The following PDCD6IP variants were observed in gnomAD, a reference collection of about 807,000 sequenced individuals.
The protein encoded by PDCD6IP is programmed cell death 6 interacting protein.
In PDCD6IP, 43 loss-of-function variants were observed where a neutral mutation model predicts 103.7. The observed-to-expected ratio is 0.41, with a 90% confidence interval of 0.32 to 0.53. PDCD6IP has a LOEUF of 0.53. PDCD6IP is among the 20% of genes least tolerant of loss of function. PDCD6IP has a pLI of 0.16. For synonymous variants in PDCD6IP, 354 were observed against 378.7 expected (o/e 0.93, Z 0.76); for missense variants, 871 against 1,036.7 (o/e 0.84, Z 2.20).
At chr3:33,827,865 G>A (rs113981065) in intron 6 of PDCD6IP, 1 of 152,104 alleles carries the variant, frequency 6.6e-6, no homozygotes, top group African/African-American at 2.4e-5. Flanking sequence ...AGCTCATAAG[G>A]TATTTTCATA....
Position 33,866,477 on chromosome 3 carries a change from A to G in PDCD6IP, c.2559A>G (p.Ser853=). ...QAPYPGPQQP[S]YPFPQPPQQS... ...CATACCCGGGACCCCAGCAGCCTTC[A>G]TACCCCTTCCCTCAGCCCCCACAGC... The change falls in exon 18 of 18, where the codon TCA becomes TCG. Residue 853 remains serine (S), a synonymous_variant. Coordinates refer to ENST00000307296, the MANE Select transcript of PDCD6IP (RefSeq NM_013374.6). 6.2e-7 allele frequency: 1 copy of G among 1,612,214 alleles called. No individual in the cohort carries two copies.
At chr3:33,852,434 T>A (rs1697735290) in intron 12 of PDCD6IP, 54 bp from the exon 13 acceptor site, 26 of 1,383,296 alleles carry the variant, frequency 1.9e-5, no homozygotes, top group Non-Finnish European at 2.4e-5. Flanking sequence ...TTCTCGAAAT[T>A]GGCTTTTTTT....
intron 1 of PDCD6IP, among the ~76,000 whole-genome samples, chr3:33,801,536 T>C (rs1266645824): frequency 6.6e-6 from 1 of 152,208 alleles, no homozygotes; most frequent in African/African-American, 2.4e-5. Context: ...TGTGGTAGCA[T>C]GCACTCATAA....
intron 15 of PDCD6IP, among the ~76,000 whole-genome samples, chr3:33,863,020 T>C (rs1469402009): frequency 6.6e-6 from 1 of 152,232 alleles, no homozygotes; most frequent in Non-Finnish European, 1.5e-5. Context: ...AAAGAGGATT[T>C]AGATTCTAGT....
intron 10 of PDCD6IP, 120 bp downstream of exon 10, chr3:33,842,194 T>G (rs1294989994): frequency 1.6e-6 from 1 of 608,336 alleles, no homozygotes; most frequent in Non-Finnish European, 2.8e-6. Context: ...ATCACTTTGG[T>G]GAATTTACTG....
chr3:33,857,918 T>A lies in PDCD6IP; in HGVS notation c.2120+2658T>A, dbSNP rs1234182015. The stretch of plus-strand genomic sequence containing the variant: ...CAAATGTCACTGTCAGCACTATTTT[T>A]AAATACTATACTGCAGTACCAGCCA... On this transcript the variant is annotated intron_variant, in intron 15 of 17. Transcript: ENST00000307296. 1.3e-5 allele frequency among the ~76,000 whole-genome samples: 2 copies of A among 152,184 alleles called. 1 individual carries two copies. The highest frequency in any genetic ancestry group is 1.3e-4 in the Admixed American group (2 of 15,280).
In PDCD6IP at chr3:33,869,473, T is replaced by C. The variant is rs1295135970; in HGVS notation, c.*2948T>C. ...CTTGGAAGAGCAAAGAAGGAAAAATTATATTTTTAAAGAAAGAGAATATTC... is the reference window on the plus strand; with the variant it reads ...CTTGGAAGAGCAAAGAAGGAAAAATCATATTTTTAAAGAAAGAGAATATTC... On this transcript the variant is annotated 3_prime_UTR_variant, in exon 18 of 18. Coordinates refer to ENST00000307296, the MANE Select transcript of PDCD6IP (RefSeq NM_013374.6). The C allele has an allele frequency of 1.3e-5, 2 of 152,214 alleles. No homozygotes were observed. The highest frequency in any genetic ancestry group is 4.8e-5 in the African/African-American group (2 of 41,448). 9.4% of individuals were successfully genotyped at this position (152,214 alleles called of 1,614,324 possible).
intron 3 of PDCD6IP, among the ~76,000 whole-genome samples, chr3:33,814,287 C>T (rs1696784070): frequency 6.6e-6 from 1 of 151,822 alleles, no homozygotes; most frequent in South Asian, 2.1e-4. Flanking sequence ...ATTACAAGCA[C>T]CCGCCACCAC....
At chr3:33,812,277 A>G in intron 2 of PDCD6IP, 151 bp downstream of exon 2, 3 of 1,196,096 alleles carry the variant, frequency 2.5e-6, no homozygotes, top group Non-Finnish European at 3.1e-6. Flanking sequence ...CTTCTGAAGA[A>G]AGAATCTCCT....
intron 7 of PDCD6IP, among the ~76,000 whole-genome samples, chr3:33,834,549 G>A (rs1369397881): frequency 1.3e-5 from 2 of 152,026 alleles, no homozygotes; most frequent in Non-Finnish European, 2.9e-5. Context: ...CAGCTTTGGA[G>A]GTTAAGATTT....
At chr3:33,821,706 G>A (rs917237678) in intron 3 of PDCD6IP, among the ~76,000 whole-genome samples, 6 of 152,174 alleles carry the variant, frequency 3.9e-5, no homozygotes, top group African/African-American at 9.7e-5. Flanking sequence ...AAATGTGGAA[G>A]TAAAGGGAAG....
At chr3:33,829,082 G>T in intron 7 of PDCD6IP, 113 bp downstream of exon 7, 1 of 649,734 alleles carries the variant, frequency 1.5e-6, no homozygotes, top group Non-Finnish European at 2.4e-6. Flanking sequence ...ACCCCTATCA[G>T]CAGGGACAAG....
At chr3:33,861,618 T>C (rs1697957916) in intron 15 of PDCD6IP, among the ~76,000 whole-genome samples, 1 of 152,228 alleles carries the variant, frequency 6.6e-6, no homozygotes, top group Non-Finnish European at 1.5e-5. Flanking sequence ...TATGCTCAGT[T>C]GATATTGTCA....
At chr3:33,863,095 ATAT>A (rs986382838) in intron 15 of PDCD6IP, among the ~76,000 whole-genome samples, 2 of 152,190 alleles carry the variant, frequency 1.3e-5, no homozygotes, top group East Asian at 3.8e-4. Context: ...ATAATTATAC[ATAT>A]TATGGGGTAC....
At chr3:33,814,906 A>G (rs1221455814) in intron 3 of PDCD6IP, among the ~76,000 whole-genome samples, 1 of 146,314 alleles carries the variant, frequency 6.8e-6, no homozygotes, top group African/African-American at 2.5e-5. Context: ...ACATATACAT[A>G]TATGTATATA....
intron 3 of PDCD6IP, among the ~76,000 whole-genome samples, chr3:33,815,328 A>G (rs1696823682): frequency 6.6e-6 from 1 of 152,116 alleles, no homozygotes; most frequent in Non-Finnish European, 1.5e-5. Flanking sequence ...CTTATATAAT[A>G]ATAGTGCATG....
chr3:33,814,470 T>A (rs1028112512), intron 3 of PDCD6IP, among the ~76,000 whole-genome samples: 10 of 149,416 alleles, frequency 6.7e-5, no homozygotes, highest in African/African-American at 2.5e-4. Flanking sequence ...AGTGAATACA[T>A]GTAAAGTCCT....
chr3:33,860,307 T>C (rs1408701171), intron 15 of PDCD6IP, among the ~76,000 whole-genome samples: 1 of 152,224 alleles, frequency 6.6e-6, no homozygotes, highest in African/African-American at 2.4e-5. Context: ...GTAGGCCATA[T>C]AATAATATTA....
chr3:33,852,780 A>T, intron 13 of PDCD6IP, 44 bp downstream of exon 13: 2 of 1,535,206 alleles, frequency 1.3e-6, no homozygotes, highest in Non-Finnish European at 1.7e-6. Context: ...TAAAAATTAC[A>T]GAAAAGATAT....
Sources: gnomAD v4.1 joint callset for allele counts (sites outside exome capture counted in the v4.1 genomes callset) on GRCh38, gnomAD v4.1.1 for gene constraint, MANE v1.5 for transcripts, NCBI Gene and HGNC (gene_info 2026-07-23, HGNC 2026-07-21) for gene names.